COL18A1: variants seen among roughly 807,000 people sequenced by gnomAD.
The protein encoded by COL18A1 is collagen type XVIII alpha 1 chain.
COL18A1 carries 133 observed loss-of-function variants against 168.0 expected under a neutral mutation model. That is an observed-to-expected ratio of 0.79 (90% CI 0.69 to 0.91). The LOEUF (loss-of-function observed/expected upper bound fraction) is 0.91. COL18A1 is among the 40% of genes least tolerant of loss of function. COL18A1 has a pLI of 0.00. For synonymous variants in COL18A1, 949 were observed against 809.0 expected, an observed-to-expected ratio of 1.17 and a Z score of -2.94; for missense variants, 2,126 against 1,925.4, an observed-to-expected ratio of 1.10 and a Z score of -1.95.
intron 2 of COL18A1, among the ~76,000 whole-genome samples, chr21:45,452,920 A>C (rs549303253): frequency 2.0e-5 from 3 of 150,140 alleles, no homozygotes; most frequent in African/African-American, 4.9e-5. Context: ...CATGTGTGTG[A>C]GTATTCACAT....
At chr21:45,413,937 G>T (rs564336218) in intron 2 of COL18A1, among the ~76,000 whole-genome samples, 22 of 152,360 alleles carry the variant, frequency 1.4e-4, no homozygotes, top group African/African-American at 4.8e-4. Flanking sequence ...ATGGAGCTGG[G>T]AGGCGTCTTC....
rs2035103366 is a variant in COL18A1, at chr21:45,463,330, A to T, written c.107-4912A>T. On this transcript the variant is annotated intron_variant, in intron 2 of 41. Coordinates refer to ENST00000651438, the MANE Select transcript of COL18A1 (RefSeq NM_001379500.1). This position sits in a 1 kb window ranked among gnomAD's most constrained non-coding sequence, Gnocchi z 4.0. ...TGGCTGCTGCTCCAGGAACTCGTGC[A>T]TGGCACCTGCTATGGGAATGGGGGT... 6.6e-6 allele frequency among the ~76,000 whole-genome samples: 1 copy of T among 152,210 alleles called. No individual in the cohort carries two copies. Among genetic ancestry groups the T allele is most frequent in the Non-Finnish European group, 1.5e-5 (1 of 68,038 alleles).
At chr21:45,506,061 G>T in intron 37 of COL18A1, 95 bp downstream of exon 37, 1 of 1,585,544 alleles carries the variant, frequency 6.3e-7, no homozygotes. Flanking sequence ...CCCGGACAGG[G>T]ATGGGAGCAG....
intron 36 of COL18A1, 23 bp downstream of exon 36, chr21:45,505,454 G>A (rs761152480): frequency 1.1e-5 from 14 of 1,321,504 alleles, no homozygotes; most frequent in Admixed American, 1.9e-5. Flanking sequence ...GCAGCCGGCT[G>A]GGCACCTGCG....
At chr21:45,500,156 TG>T (rs1488748696) in intron 32 of COL18A1, among the ~76,000 whole-genome samples, 1 of 142,664 alleles carries the variant, frequency 7.0e-6, no homozygotes, top group Admixed American at 7.0e-5. Flanking sequence ...TGTGTGCATG[TG>T]GGTGTGTAGT....
chr21:45,419,236 C>G (rs988583803), intron 2 of COL18A1, among the ~76,000 whole-genome samples: 1 of 151,802 alleles, frequency 6.6e-6, no homozygotes, highest in Non-Finnish European at 1.5e-5. Context: ...CGTGTAGTGA[C>G]GTGATGCCGT....
In COL18A1 at chr21:45,511,096, C is replaced by CAT. The variant is rs1555876761; in HGVS notation, c.3694-15_3694-14insAT. On this transcript the variant is annotated splice_polypyrimidine_tract_variant and intron_variant, in intron 40 of 41. Coordinates refer to ENST00000651438, the MANE Select transcript of COL18A1 (RefSeq NM_001379500.1). The stretch of plus-strand genomic sequence containing the variant: ...CCCACACACCACACACACATACACA[C>CAT]GGTTTCTCTTCCAGGACGAGCTGCT... 1.4e-5 allele frequency: 21 copies of CAT among 1,451,612 alleles called. 1 individual carries two copies. The highest frequency in any genetic ancestry group is 5.9e-5 in the African/African-American group (4 of 68,326). The allele number at this position is 1,451,612 out of a possible 1,614,324, so 89.9% of individuals were successfully genotyped here.
In COL18A1 at chr21:45,487,434, G is replaced by A. The variant is rs780879170; in HGVS notation, c.1834-13G>A. ...GGACACAGGCCCCTACGTGTCTCGT[G>A]TGTCTCTTCCAGGATGACATGGAAG... On this transcript the variant is annotated splice_polypyrimidine_tract_variant and intron_variant, in intron 16 of 41. Coordinates refer to ENST00000651438, the MANE Select transcript of COL18A1 (RefSeq NM_001379500.1). 17 of 1,612,576 alleles carry A rather than the reference G, an allele frequency of 1.1e-5. No homozygotes were observed. Among genetic ancestry groups the A allele is most frequent in the Non-Finnish European group, 1.4e-5 (16 of 1,179,996 alleles).
chr21:45,489,377 C>T (rs994570281), intron 18 of COL18A1, 109 bp from the exon 19 acceptor site: 10 of 821,666 alleles, frequency 1.2e-5, no homozygotes, highest in South Asian at 8.6e-5. Context: ...TGGGGGAGGG[C>T]GGTGAGATGC....
rs1044046012 is a variant in COL18A1, at chr21:45,505,487, CA to C, written c.3087+57del. The C allele has an allele frequency of 4.4e-6, 4 of 903,482 alleles. No homozygotes were observed. The Admixed American group carries it at 8.0e-5, about 18-fold the overall frequency. 56.0% of individuals were successfully genotyped at this position (903,482 alleles called of 1,614,324 possible). ...GCGTCCCGTGCCCTGGCTGGTTCTG[CA>C]GCCCCTGCCCCTCAGAGACACTCTC... On this transcript the variant is annotated intron_variant, in intron 36 of 41. Coordinates refer to ENST00000651438, the MANE Select transcript of COL18A1 (RefSeq NM_001379500.1).
Position 45,496,480 on chromosome 21 carries a change from G to C in COL18A1, c.2509-20G>C. On this transcript the variant is annotated intron_variant, in intron 29 of 41. Coordinates refer to ENST00000651438, the MANE Select transcript of COL18A1 (RefSeq NM_001379500.1). ...TGACAGGCAGGCCATAAGCCTAACA[G>C]CTCTCTGCCCTCCCCACAGGGAATG... 8.6e-7 allele frequency: 1 copy of C among 1,167,936 alleles called. No individual in the cohort carries two copies. Among genetic ancestry groups the C allele is most frequent in the Non-Finnish European group, 1.3e-6 (1 of 772,884 alleles). 72.3% of individuals were successfully genotyped at this position (1,167,936 alleles called of 1,614,324 possible).
intron 17 of COL18A1, 127 bp from the exon 18 acceptor site, chr21:45,488,291 T>A (rs1489332571): frequency 1.7e-6 from 2 of 1,169,104 alleles, no homozygotes; most frequent in African/African-American, 1.5e-5. Context: ...CATTTTAACT[T>A]AGTACATTTC....
intron 17 of COL18A1, among the ~76,000 whole-genome samples, chr21:45,487,785 C>T (rs899074108): frequency 2.0e-5 from 3 of 152,226 alleles, no homozygotes; most frequent in Non-Finnish European, 4.4e-5. Flanking sequence ...CGCATGCCCC[C>T]TGAAAGGCCT....
chr21:45,510,379 G>A lies in COL18A1; in HGVS notation c.3693+118G>A, dbSNP rs2037507107. 4 of 1,200,974 alleles carry A rather than the reference G, an allele frequency of 3.3e-6. No individual in the cohort carries two copies. The South Asian group carries it at 5.2e-5, about 16-fold the overall frequency. The allele number at this position is 1,200,974 out of a possible 1,614,324, so 74.4% of individuals were successfully genotyped here. On this transcript the variant is annotated intron_variant, in intron 40 of 41. Transcript: ENST00000651438. ...TGGAGGCCACCATGTTACAGACACT[G>A]GCGCCTAGGCTGGCGACTTCAGGGC...
At chr21:45,459,286 G>A (rs2034960957) in intron 2 of COL18A1, among the ~76,000 whole-genome samples, 2 of 152,344 alleles carry the variant, frequency 1.3e-5, no homozygotes, top group South Asian at 4.1e-4. Context: ...CTGGGTGAGG[G>A]GCAGGAGGAG....
Position 45,493,225 on chromosome 21 carries a change from G to A in COL18A1, c.2277G>A (p.Lys759=). Residue 759 remains lysine, a splice_region_variant and synonymous_variant, in exon 25 of 42, where the codon AAG becomes AAA. Coordinates refer to ENST00000651438, the MANE Select transcript of COL18A1 (RefSeq NM_001379500.1). ...GCGAACGAGGCTCCCCGGGACCCAA[G>A]GTAAGGGGCTCAGGTGCTGTCCCTC... The part of the protein sequence containing the change: ...SKGERGSPGP[K]GEKGEPGSIF... 1 of 1,557,138 alleles carries A rather than the reference G, an allele frequency of 6.4e-7. No individual in the cohort carries two copies. The highest frequency in any genetic ancestry group is 8.7e-7 in the Non-Finnish European group (1 of 1,150,362).
At chr21:45,456,240 A>G (rs1568881013) in intron 2 of COL18A1, 25 of 1,595,822 alleles carry the variant, frequency 1.6e-5, no homozygotes, top group Non-Finnish European at 2.0e-5. Flanking sequence ...CAGGACCCAG[A>G]CAGCCAAGGA....
chr21:45,429,658 C>T (rs1433131358), intron 2 of COL18A1, among the ~76,000 whole-genome samples: 4 of 152,190 alleles, frequency 2.6e-5, no homozygotes, highest in Non-Finnish European at 5.9e-5. Context: ...GATCCCAGGA[C>T]GGTGGAGCTG....
intron 29 of COL18A1, 46 bp downstream of exon 29, chr21:45,495,478 C>T (rs1159665560): frequency 6.6e-7 from 1 of 1,518,048 alleles, no homozygotes; most frequent in Non-Finnish European, 9.0e-7. Context: ...GAGACCAGGA[C>T]CTGGGAATGG....
Sources: allele counts gnomAD v4.1 joint callset (sites outside exome capture counted in the v4.1 genomes callset), GRCh38; gene constraint gnomAD v4.1.1; non-coding constraint Gnocchi (gnomAD v3.1); transcripts MANE v1.5; gene names NCBI Gene and HGNC (gene_info 2026-07-23, HGNC 2026-07-21).